ARHGAP40: variants seen among roughly 807,000 people sequenced by gnomAD.
ARHGAP40 encodes rho GTPase-activating protein 40.
In ARHGAP40, 43 loss-of-function variants were observed where a neutral mutation model predicts 73.5. That is an observed-to-expected ratio of 0.58 (90% confidence interval 0.46 to 0.75). The LOEUF is 0.75. Ranked by LOEUF, ARHGAP40 falls within the 30% of genes least tolerant of loss-of-function variation. The probability of loss-of-function intolerance (pLI) is 0.00; values close to 1 mark genes in which losing one functional copy is unlikely to be tolerated. For missense variants in ARHGAP40, 734 were observed against 861.8 expected (o/e 0.85, Z 1.86); for synonymous variants, 300 against 352.8 (o/e 0.85, Z 1.68).
intron 5 of ARHGAP40, among the ~76,000 whole-genome samples, chr20:38,633,593 C>T (rs6070830): frequency 0.18 from 27,488 of 152,140 alleles, 2,960 homozygotes; most frequent in Non-Finnish European, 0.25. Flanking sequence ...ATTTGAACCC[C>T]GGGGGATGTG....
At chr20:38,649,569 T>A (rs1266403624) in intron 14 of ARHGAP40, among the ~76,000 whole-genome samples, 188 bp from the exon 15 acceptor site, 1 of 152,114 alleles carries the variant, frequency 6.6e-6, no homozygotes, top group African/African-American at 2.4e-5. Context: ...AAAGGGGGTG[T>A]CACTTTTCTG....
chr20:38,621,655 G>A (rs6026861), intron 1 of ARHGAP40, among the ~76,000 whole-genome samples: 4,459 of 152,256 alleles, frequency 0.029, 240 homozygotes, highest in African/African-American at 0.1. Context: ...AAACGTGGTC[G>A]TAGCCACAGG....
chr20:38,642,161 G>A (rs2089022747), intron 10 of ARHGAP40, among the ~76,000 whole-genome samples: 1 of 152,200 alleles, frequency 6.6e-6, no homozygotes, highest in Non-Finnish European at 1.5e-5. Context: ...AGGCTTTAGA[G>A]AATCTCCAAG....
intron 5 of ARHGAP40, among the ~76,000 whole-genome samples, chr20:38,632,348 C>T (rs1014691743): frequency 6.6e-6 from 1 of 151,980 alleles, no homozygotes; most frequent in Non-Finnish European, 1.5e-5. Flanking sequence ...CTGCAAGCTC[C>T]GCCCCCTGGG....
intron 9 of ARHGAP40, 95 bp downstream of exon 9, chr20:38,639,481 G>A: frequency 1.6e-6 from 2 of 1,224,614 alleles, no homozygotes; most frequent in Non-Finnish European, 2.1e-6. Flanking sequence ...AGGACTCCGT[G>A]TTCCTGGAAA....
At chr20:38,643,567 G>A in intron 10 of ARHGAP40, 137 bp from the exon 11 acceptor site, 2 of 572,770 alleles carry the variant, frequency 3.5e-6, no homozygotes, top group Admixed American at 3.0e-5. Context: ...CAGCTGGAAC[G>A]GGAGCCCCTC....
intron 9 of ARHGAP40, among the ~76,000 whole-genome samples, chr20:38,640,867 C>A (rs116574702): frequency 0.025 from 3,851 of 152,294 alleles, 148 homozygotes; most frequent in African/African-American, 0.086. Context: ...CATCATGCTG[C>A]CTGCCAGCCT....
At chr20:38,649,034 C>T (rs2089071649) in intron 14 of ARHGAP40, among the ~76,000 whole-genome samples, 1 of 152,246 alleles carries the variant, frequency 6.6e-6, no homozygotes, top group Non-Finnish European at 1.5e-5. Context: ...GACTTCATCC[C>T]TGGCCTAGGG....
intron 1 of ARHGAP40, among the ~76,000 whole-genome samples, chr20:38,614,620 G>A (rs140937950): frequency 6.6e-6 from 1 of 152,172 alleles, no homozygotes; most frequent in Non-Finnish European, 1.5e-5. Flanking sequence ...GACCCAAGCG[G>A]CTCTGCTAGG....
At chr20:38,628,781 G>T in intron 3 of ARHGAP40, 146 bp from the exon 4 acceptor site, 1 of 485,146 alleles carries the variant, frequency 2.1e-6, no homozygotes, top group Non-Finnish European at 3.5e-6. Flanking sequence ...AGCAGCTGTG[G>T]GACTTTGGGC....
intron 1 of ARHGAP40, among the ~76,000 whole-genome samples, chr20:38,622,130 C>T (rs1204479570): frequency 6.6e-6 from 1 of 151,988 alleles, no homozygotes; most frequent in Non-Finnish European, 1.5e-5. Flanking sequence ...AAAAAGGCAG[C>T]ATGTGGATGA....
At chr20:38,650,059 AG>A (rs2089079727) in exon 15 of ARHGAP40, 1 of 363,756 alleles carries the variant, frequency 2.7e-6, no homozygotes, top group Non-Finnish European at 5.4e-6. Context: ...CTAGGGCCTC[AG>A]GGAGGGGAGG....
At chr20:38,610,671 A>G (rs1000153454) in intron 1 of ARHGAP40, among the ~76,000 whole-genome samples, 3 of 152,166 alleles carry the variant, frequency 2.0e-5, no homozygotes, top group Non-Finnish European at 4.4e-5. Context: ...TTTAATTTGC[A>G]ATTGGTTAGA....
chr20:38,608,010 A>T (rs1360194004), intron 1 of ARHGAP40, among the ~76,000 whole-genome samples: 1 of 152,112 alleles, frequency 6.6e-6, no homozygotes, highest in African/African-American at 2.4e-5. Flanking sequence ...TTTGTTGCAG[A>T]TATTTCCTCT....
At position 38,638,916 on chromosome 20, in the gene ARHGAP40, C is replaced by G. The variant is rs1002286406; in HGVS notation, c.1119+78C>G. ...ATGTGTGTTAAGCCGGGAGGGAAAC[C>G]AGTCCCTGACTCGCCAGTGATCTGT... On this transcript the variant is annotated intron_variant, in intron 8 of 14. Coordinates refer to ENST00000373345, the Ensembl canonical transcript of ARHGAP40. The G allele has an allele frequency of 6.5e-5, 78 of 1,195,866 alleles. No individual in the cohort carries two copies. The African/African-American group carries it at 1.1e-3, about 17-fold the overall frequency. The allele number at this position is 1,195,866 out of a possible 1,614,324, so 74.1% of individuals were successfully genotyped here. A position where few individuals can be genotyped will look rare whatever the true frequency, so the allele number is the denominator to read the frequency against.
chr20:38,633,766 C>T (rs1001204201), intron 5 of ARHGAP40, among the ~76,000 whole-genome samples: 7 of 152,344 alleles, frequency 4.6e-5, no homozygotes, highest in South Asian at 2.1e-4. Context: ...TGACCTTGGG[C>T]GGCAGGAAAG....
At chr20:38,639,228 G>A (rs1568610801) in exon 9 of ARHGAP40, 4 of 1,305,444 alleles carry the variant, frequency 3.1e-6, no homozygotes, top group Middle Eastern at 2.1e-4. Context: ...TTCCTGTAGG[G>A]GCTGGAACAG....
At position 38,646,240 on chromosome 20, in the gene ARHGAP40, CA is replaced by C; in HGVS notation, c.1710+54del. 1 of 1,245,604 alleles carries C rather than the reference CA, an allele frequency of 8.0e-7. No homozygotes were observed. The highest frequency in any genetic ancestry group is 1.3e-5 in the South Asian group (1 of 76,076). 77.2% of individuals were successfully genotyped at this position (1,245,604 alleles called of 1,614,324 possible). On this transcript the variant is annotated intron_variant, in intron 12 of 14. Coordinates refer to ENST00000373345, the Ensembl canonical transcript of ARHGAP40. This position sits in a 1 kb window ranked among gnomAD's most constrained non-coding sequence, Gnocchi z 4.5. ...GAGAAGGGCCGAGGCGACAGGAGGG[CA>C]CCTGGGGCGCGGTGCTTCCCTTCCT...
intron 1 of ARHGAP40, among the ~76,000 whole-genome samples, chr20:38,609,564 G>C (rs1003971514): frequency 6.6e-6 from 1 of 152,212 alleles, no homozygotes; most frequent in Admixed American, 6.5e-5. Context: ...AAAACAAACA[G>C]GCAATGACCA....
Sources: gnomAD v4.1 joint callset for allele counts (sites outside exome capture counted in the v4.1 genomes callset) on GRCh38, gnomAD v4.1.1 for gene constraint, Gnocchi (gnomAD v3.1) non-coding constraint, MANE v1.5 for transcripts, NCBI Gene and HGNC (gene_info 2026-07-23, HGNC 2026-07-21) for gene names.